Variants in MTUS2 observed in about 807,000 individuals in gnomAD.
MTUS2 encodes microtubule associated scaffold protein 2, also known as microtubule-associated tumor suppressor candidate 2.
Under a neutral mutation model 114.1 loss-of-function variants are expected in MTUS2, and 40 were observed. The ratio of observed to expected loss-of-function variants is 0.35; its 90% CI spans 0.27 to 0.46. The LOEUF is 0.46. Among genes scored for constraint, MTUS2 ranks in the 20% least tolerant of loss-of-function variants. MTUS2 has a pLI of 1.00. For missense variants in MTUS2, 1,679 were observed against 1,705.4 expected, an observed-to-expected ratio of 0.98 and a Z score of 0.27; for synonymous variants, 688 against 672.0, an observed-to-expected ratio of 1.02 and a Z score of -0.37.
intron 12 of MTUS2, among the ~76,000 whole-genome samples, chr13:29,495,355 CAAAAAAAAAAA>C (rs561721512): frequency 1.0e-4 from 3 of 29,808 alleles, no homozygotes; most frequent in Non-Finnish European, 1.3e-4. Context: ...GAGTCTTTGT[CAAAAAAAAAAA>C]AAAAAAAAAA....
At chr13:28,841,029 A>G (rs1412123882) in intron 2 of MTUS2, among the ~76,000 whole-genome samples, 1 of 152,226 alleles carries the variant, frequency 6.6e-6, no homozygotes, top group Non-Finnish European at 1.5e-5. Context: ...CATTCTATAG[A>G]CCACCACCTG....
At chr13:28,873,185 TG>T (rs1231292419) in intron 2 of MTUS2, among the ~76,000 whole-genome samples, 1 of 152,192 alleles carries the variant, frequency 6.6e-6, no homozygotes, top group East Asian at 1.9e-4. Context: ...TGTGGAGATG[TG>T]GGATTGAATA....
chr13:28,904,895 G>A (rs1879887623), intron 2 of MTUS2, among the ~76,000 whole-genome samples: 1 of 151,720 alleles, frequency 6.6e-6, no homozygotes, highest in Non-Finnish European at 1.5e-5. Flanking sequence ...AGCATGGAAT[G>A]TTCTTCCATT....
At chr13:28,950,583 G>A (rs775281955) in intron 2 of MTUS2, among the ~76,000 whole-genome samples, 7 of 152,098 alleles carry the variant, frequency 4.6e-5, no homozygotes, top group East Asian at 3.9e-4. Flanking sequence ...GTCTAATTTC[G>A]ATATTGTTAT....
At chr13:29,273,339 T>C in intron 5 of MTUS2, among the ~76,000 whole-genome samples, 1 of 152,218 alleles carries the variant, frequency 6.6e-6, no homozygotes, top group Non-Finnish European at 1.5e-5. Context: ...TAAGAATATG[T>C]TATCAGAAGA....
intron 2 of MTUS2, among the ~76,000 whole-genome samples, chr13:29,015,412 C>T (rs938101400): frequency 6.6e-6 from 1 of 152,098 alleles, no homozygotes; most frequent in African/African-American, 2.4e-5. Context: ...GCATGTTTTT[C>T]TCTTGAGGGT....
chr13:28,900,787 A>G (rs1011060080), intron 2 of MTUS2, among the ~76,000 whole-genome samples: 1 of 152,240 alleles, frequency 6.6e-6, no homozygotes, highest in Non-Finnish European at 1.5e-5. Context: ...AGGTTAGACA[A>G]CAGACATTTA....
intron 4 of MTUS2, among the ~76,000 whole-genome samples, chr13:29,086,107 C>T (rs1223601195): frequency 1.3e-5 from 2 of 152,068 alleles, no homozygotes; most frequent in Admixed American, 1.3e-4. Context: ...TATTCATGTT[C>T]TTTGCCCATT....
At chr13:29,168,888 C>CTGTGTGTGTGTGTGTGTG (rs57636866) in intron 5 of MTUS2, among the ~76,000 whole-genome samples, 9,126 of 138,336 alleles carry the variant, frequency 0.066, 412 homozygotes, top group Middle Eastern at 0.095. Flanking sequence ...CTTTATGAAT[C>CTGTGTGTGTGTGTGTGTG]TGTGTGTGTG....
chr13:29,175,303 G>A (rs557716354), intron 5 of MTUS2, among the ~76,000 whole-genome samples: 1 of 152,220 alleles, frequency 6.6e-6, no homozygotes, highest in Admixed American at 6.5e-5. Flanking sequence ...ATATTTATGG[G>A]TCATTATAAA....
At chr13:29,487,794 G>T (rs1881736906) in intron 10 of MTUS2, 106 bp from the exon 11 acceptor site, 1 of 870,338 alleles carries the variant, frequency 1.1e-6, no homozygotes, top group East Asian at 2.4e-5. Context: ...ACAAGGCTGT[G>T]ACTTGTCATT....
chr13:29,148,486 T>C, intron 5 of MTUS2, among the ~76,000 whole-genome samples: 1 of 56,864 alleles, frequency 1.8e-5, no homozygotes, highest in African/African-American at 3.6e-5. Context: ...TTTTTTTTTT[T>C]TTTTTTTTTT....
At chr13:28,884,579 CAT>C (rs1298210471) in intron 2 of MTUS2, among the ~76,000 whole-genome samples, 5 of 152,190 alleles carry the variant, frequency 3.3e-5, no homozygotes, top group East Asian at 3.8e-4. Context: ...GATCTACACA[CAT>C]GAGTACACAC....
intron 5 of MTUS2, among the ~76,000 whole-genome samples, chr13:29,136,793 C>A (rs1020131170): frequency 1.1e-4 from 16 of 152,142 alleles, no homozygotes; most frequent in Non-Finnish European, 2.9e-5. Flanking sequence ...ATTAATCTAG[C>A]AAATTAATCA....
At chr13:29,420,630 T>C (rs1315150499) in intron 8 of MTUS2, among the ~76,000 whole-genome samples, 1 of 152,152 alleles carries the variant, frequency 6.6e-6, no homozygotes, top group African/African-American at 2.4e-5. Context: ...ATATTCAGCT[T>C]ATGGTTCACT....
At chr13:28,959,123 A>G (rs1883203136) in intron 2 of MTUS2, among the ~76,000 whole-genome samples, 1 of 152,174 alleles carries the variant, frequency 6.6e-6, no homozygotes, top group African/African-American at 2.4e-5. Flanking sequence ...GAGCCCATGG[A>G]TACAGAGGAA....
At chr13:28,966,531 T>G (rs1271902441) in intron 2 of MTUS2, among the ~76,000 whole-genome samples, 1 of 152,000 alleles carries the variant, frequency 6.6e-6, no homozygotes, top group Non-Finnish European at 1.5e-5. Flanking sequence ...AAGACCAGTA[T>G]GGGCAACATA....
chr13:28,995,013 T>TA (rs1434721532), intron 2 of MTUS2, among the ~76,000 whole-genome samples: 1 of 152,206 alleles, frequency 6.6e-6, no homozygotes, highest in Non-Finnish European at 1.5e-5. Flanking sequence ...TAGGTTTTCT[T>TA]CTAGGGTTTT....
chr13:29,503,037 A>G lies in MTUS2; in HGVS notation c.3941A>G (p.Lys1314Arg). 6.2e-7 allele frequency: 1 copy of G among 1,614,244 alleles called. No individual in the cohort carries two copies. Among genetic ancestry groups the G allele is most frequent in the African/African-American group, 1.3e-5 (1 of 75,066 alleles). Residue 1314 changes from lysine to arginine, a missense_variant, in exon 16 of 16, where the codon AAG becomes AGG. Transcript: ENST00000612955. Reference protein sequence around the residue: ...ENANLQEYVEKETQEKKRLSR... With the variant: ...ENANLQEYVERETQEKKRLSR... ...GCTAACCTCCAGGAATATGTTGAGAAGGAAACCCAGGAGAAGAAGAGATTG... is the reference window on the plus strand; with the variant it reads ...GCTAACCTCCAGGAATATGTTGAGAGGGAAACCCAGGAGAAGAAGAGATTG...
Sources: allele counts gnomAD v4.1 joint callset (sites outside exome capture counted in the v4.1 genomes callset), GRCh38; gene constraint gnomAD v4.1.1; transcripts MANE v1.5; gene names NCBI Gene and HGNC (gene_info 2026-07-23, HGNC 2026-07-21).